Variants in KCTD2 observed in about 807,000 individuals in gnomAD.
The protein encoded by KCTD2 is potassium channel tetramerization domain containing 2.
A neutral mutation model predicts 27.9 loss-of-function variants in KCTD2; 18 were observed. That is an observed-to-expected ratio of 0.64 (90% CI 0.45 to 0.96). KCTD2 has a LOEUF of 0.96. Among genes scored for constraint, KCTD2 ranks in the 40% least tolerant of loss-of-function variants. The pLI, the probability that KCTD2 is intolerant of heterozygous loss-of-function variation, is 0.00. For synonymous variants in KCTD2, 175 were observed against 148.4 expected (o/e 1.18, Z -1.30); for missense variants, 280 against 348.0 (o/e 0.80, Z 1.56).
intron 3 of KCTD2, among the ~76,000 whole-genome samples, chr17:75,036,281 C>T (rs1348675625): frequency 6.6e-6 from 1 of 151,994 alleles, no homozygotes; most frequent in African/African-American, 2.4e-5. Flanking sequence ...CGCCACCACA[C>T]TGGCTAATTT....
In KCTD2 at chr17:75,053,590, G is replaced by A. The variant is rs559971531; in HGVS notation, c.540+485G>A. On this transcript the variant is annotated intron_variant, in intron 3 of 5. Coordinates refer to ENST00000322444, the MANE Select transcript of KCTD2 (RefSeq NM_015353.3). The stretch of plus-strand genomic sequence containing the variant: ...CGTGTAGCTGGGACTACAGGTGTGT[G>A]CCACCACGCCTGACTAATTTTTGTA... Among the ~76,000 whole-genome samples the A allele has an allele frequency of 5.5e-4, 83 of 152,166 alleles. 2 individuals carry two copies. In the East Asian group the frequency reaches 7.5e-3, roughly 14 times the overall value.
upstream of KCTD2, among the ~76,000 whole-genome samples, chr17:75,046,380 C>G (rs1468751156): frequency 6.6e-6 from 1 of 152,194 alleles, no homozygotes; most frequent in Non-Finnish European, 1.5e-5. Flanking sequence ...CCGCGCCCGG[C>G]GAAATTTTTT....
rs890066534 is a variant in KCTD2 at position 75,032,940 on chromosome 17, C to A, written c.-470+216C>A. The A allele has an allele frequency of 6.6e-6, 1 of 152,180 alleles. No homozygotes were observed. The highest frequency in any genetic ancestry group is 2.4e-5 in the African/African-American group (1 of 41,430). 9.4% of individuals were successfully genotyped at this position (152,180 alleles called of 1,614,324 possible). A position where few individuals can be genotyped will look rare whatever the true frequency, so the allele number is the denominator to read the frequency against. On this transcript the variant is annotated intron_variant, in intron 1 of 7. Coordinates refer to the KCTD2 transcript ENST00000581589. The surrounding 1 kb of genome is among the most constrained non-coding windows in gnomAD (Gnocchi z 4.8). ...TCTTGCTGCTATTAAGGGGAGGAGA[C>A]AGGTTTCTGCAGACTCTACATTTTG... is the stretch of plus-strand genomic sequence containing the variant.
chr17:75,051,943 G>A (rs79509828), intron 2 of KCTD2, among the ~76,000 whole-genome samples: 1 of 152,050 alleles, frequency 6.6e-6, no homozygotes, highest in Admixed American at 6.6e-5. Flanking sequence ...TCTTTAAATG[G>A]TTGCCTTTTA....
intron 2 of KCTD2, chr17:75,035,088 T>C (rs904492489): frequency 5.3e-5 from 8 of 151,970 alleles, no homozygotes; most frequent in South Asian, 2.1e-4. Flanking sequence ...CAAATTGGCC[T>C]CTCTAGGAGG....
chr17:75,034,407 C>A (rs937150921), intron 2 of KCTD2, among the ~76,000 whole-genome samples: 2 of 152,158 alleles, frequency 1.3e-5, no homozygotes, highest in Non-Finnish European at 2.9e-5. Context: ...CCAAAAGAAA[C>A]CTTGCGAGCA....
intron 2 of KCTD2, among the ~76,000 whole-genome samples, chr17:75,051,303 G>A (rs2073284021): frequency 1.3e-5 from 1 of 76,494 alleles, no homozygotes; most frequent in African/African-American, 6.7e-5. Flanking sequence ...TTTTTTTTTG[G>A]CGACAGAGTC....
intron 2 of KCTD2, among the ~76,000 whole-genome samples, chr17:75,049,880 T>C (rs780446191): frequency 2.0e-5 from 3 of 152,232 alleles, no homozygotes; most frequent in Non-Finnish European, 4.4e-5. Context: ...GGACTATAAG[T>C]GGGTCTAGTC....
chr17:75,063,159 CTGGCCCCCTGTG>C lies in KCTD2; in HGVS notation c.*113_*124del. On this transcript the variant is annotated 3_prime_UTR_variant, in exon 6 of 6. Coordinates refer to ENST00000322444, the MANE Select transcript of KCTD2 (RefSeq NM_015353.3). ...GAGCCACTGCAAAGCACAGCTGATC[CTGGCCCCCTGTG>C]AAGAAGTGTTCTGGTCAAAACTAAA... The C allele has an allele frequency of 6.9e-6, 7 of 1,012,718 alleles. No individual in the cohort carries two copies. The South Asian group carries it at 9.2e-5, about 13-fold the overall frequency. The allele number at this position is 1,012,718 out of a possible 1,614,324, so 62.7% of individuals were successfully genotyped here.
intron 2 of KCTD2, among the ~76,000 whole-genome samples, chr17:75,052,728 G>T (rs1363209379): frequency 6.6e-6 from 1 of 151,716 alleles, no homozygotes; most frequent in Non-Finnish European, 1.5e-5. Context: ...TGTTTCGGGC[G>T]GGGGGAAAAA....
At chr17:75,060,010 G>T (rs757706235) in intron 4 of KCTD2, among the ~76,000 whole-genome samples, 3 of 152,112 alleles carry the variant, frequency 2.0e-5, no homozygotes, top group Non-Finnish European at 4.4e-5. Flanking sequence ...GTAATCCACC[G>T]TGAAGAGCTT....
chr17:75,059,259 T>C, intron 3 of KCTD2: 1 of 320,302 alleles, frequency 3.1e-6, no homozygotes, highest in Non-Finnish European at 5.6e-6. Context: ...TTTCACTCTT[T>C]GGATATGTTT....
At chr17:75,056,249 A>T (rs1232804960) in intron 3 of KCTD2, among the ~76,000 whole-genome samples, 1 of 152,202 alleles carries the variant, frequency 6.6e-6, no homozygotes, top group Non-Finnish European at 1.5e-5. Context: ...TACCACTTGG[A>T]ATGTGATCCA....
intron 3 of KCTD2, among the ~76,000 whole-genome samples, chr17:75,056,912 C>T (rs2144936241): frequency 6.6e-6 from 1 of 151,788 alleles, no homozygotes; most frequent in South Asian, 2.1e-4. Context: ...TAGTGGCTGC[C>T]ACCTAACTAC....
chr17:75,053,764 A>G (rs1474470184), intron 3 of KCTD2, among the ~76,000 whole-genome samples: 1 of 146,412 alleles, frequency 6.8e-6, no homozygotes, highest in Non-Finnish European at 1.5e-5. Context: ...TATGGAGATG[A>G]GCCTTTAGCA....
chr17:75,037,484 C>A (rs1403943970), intron 3 of KCTD2, among the ~76,000 whole-genome samples: 3 of 152,118 alleles, frequency 2.0e-5, no homozygotes, highest in Non-Finnish European at 4.4e-5. Flanking sequence ...CCCAGGTTAT[C>A]TCATTTAATT....
Position 75,032,815 on chromosome 17 carries a change from GC to G in KCTD2, c.-470+94del, listed in dbSNP as rs938565549. The G allele has an allele frequency of 2.0e-5, 3 of 152,370 alleles. No individual in the cohort carries two copies. The highest frequency in any genetic ancestry group is 7.2e-5 in the African/African-American group (3 of 41,464). The allele number at this position is 152,370 out of a possible 1,614,324, so 9.4% of individuals were successfully genotyped here. ...GCAGAGAAGGCATCCCTGCAGGTTG[GC>G]CCTGGGGCAGAGTGCTGGATCCCAG... On this transcript the variant is annotated intron_variant, in intron 1 of 7. Transcript: ENST00000581589. This position sits in a 1 kb window ranked among gnomAD's most constrained non-coding sequence, Gnocchi z 4.8.
chr17:75,047,658 A>G, intron 1 of KCTD2, 69 bp downstream of exon 1: 1 of 1,489,748 alleles, frequency 6.7e-7, no homozygotes, highest in Non-Finnish European at 9.0e-7. Flanking sequence ...CGGTCCCCAG[A>G]GTCCTGAGAC....
chr17:75,059,398 G>T, intron 3 of KCTD2, 112 bp from the exon 4 acceptor site: 1 of 580,952 alleles, frequency 1.7e-6, no homozygotes. Flanking sequence ...GCCAAGAAAA[G>T]ATTTCCAAGC....
Sources: gnomAD v4.1 joint callset for allele counts (sites outside exome capture counted in the v4.1 genomes callset) on GRCh38, gnomAD v4.1.1 for gene constraint, Gnocchi (gnomAD v3.1) non-coding constraint, MANE v1.5 for transcripts, NCBI Gene and HGNC (gene_info 2026-07-23, HGNC 2026-07-21) for gene names.